UBE3B: variants seen among roughly 807,000 people sequenced by gnomAD.
UBE3B encodes the protein ubiquitin-protein ligase E3B.
A neutral mutation model predicts 132.3 loss-of-function variants in UBE3B; 80 were observed. The observed-to-expected ratio is 0.60, with a 90% CI of 0.50 to 0.73. The LOEUF (loss-of-function observed/expected upper bound fraction) is 0.73. Among genes scored for constraint, UBE3B ranks in the 30% least tolerant of loss-of-function variants. The pLI, the probability that UBE3B is intolerant of heterozygous loss-of-function variation, is 0.00. For missense variants in UBE3B, 1,196 were observed against 1,362.5 expected, an observed-to-expected ratio of 0.88 and a Z score of 1.92; for synonymous variants, 487 against 520.4, an observed-to-expected ratio of 0.94 and a Z score of 0.87.
At position 109,533,548 on chromosome 12, in the gene UBE3B, C is replaced by T. The variant is rs754032570; in HGVS notation, c.3005C>T (p.Ser1002Leu). Reference protein sequence around the residue: ...PPFSIRCVEVSDDQDTGDTLG... With the variant: ...PPFSIRCVEVLDDQDTGDTLG... ...TTCTCCATCCGCTGCGTGGAGGTGT[C>T]GGACGATCAGGTACCCCCACGGGGT... The change falls in exon 27 of 28, where the codon TCG becomes TTG. Residue 1002 changes from serine to leucine, a missense_variant. Transcript: ENST00000342494. The T allele has an allele frequency of 2.4e-5, 38 of 1,613,336 alleles. No homozygotes were observed. The highest frequency in any genetic ancestry group is 3.0e-5 in the Non-Finnish European group (35 of 1,179,888).
intron 5 of UBE3B, 65 bp from the exon 6 acceptor site, chr12:109,486,406 A>T: frequency 7.5e-7 from 1 of 1,336,800 alleles, no homozygotes; most frequent in Non-Finnish European, 1.1e-6. Context: ...CAGTTCCAAC[A>T]GTTAGAGCAC....
chr12:109,530,032 A>C lies in UBE3B; in HGVS notation c.2770A>C (p.Ile924Leu). Residue 924 changes from isoleucine to leucine, a missense_variant, in exon 25 of 28, where the codon ATC becomes CTC. Transcript: ENST00000342494. ...MFSTPELQRL[I>L]SGDNAEIDLE... ...CTCAACTCCTGAACTGCAGCGTCTC[A>C]TCTCTGGCGACAATGCTGAGATTGA... The C allele has an allele frequency of 1.2e-6, 2 of 1,613,746 alleles. No individual in the cohort carries two copies. The highest frequency in any genetic ancestry group is 1.7e-6 in the Non-Finnish European group (2 of 1,179,978).
chr12:109,541,060 C>T (rs766738175), downstream of UBE3B, among the ~76,000 whole-genome samples: 31 of 152,264 alleles, frequency 2.0e-4, no homozygotes, highest in Admixed American at 7.2e-4. Flanking sequence ...TGCAGCTATG[C>T]AGCCTTGCGC....
chr12:109,501,619 T>C, intron 13 of UBE3B, 85 bp downstream of exon 13: 5 of 1,480,152 alleles, frequency 3.4e-6, no homozygotes, highest in Non-Finnish European at 4.5e-6. Flanking sequence ...TGTTCCGCTG[T>C]GTTTGTGGGA....
At position 109,490,761 on chromosome 12, in the gene UBE3B, A is replaced by G. The variant is rs1057162495; in HGVS notation, c.631-284A>G. Reference sequence around the variant, plus strand: ...AGTGGTAGAGTTAACCTCGTTACCCAATACTTTCTTCCCTTTCCTTTTATA... The same window carrying G: ...AGTGGTAGAGTTAACCTCGTTACCCGATACTTTCTTCCCTTTCCTTTTATA... On this transcript the variant is annotated intron_variant, in intron 8 of 27. Coordinates refer to ENST00000342494, the MANE Select transcript of UBE3B (RefSeq NM_130466.4). 9.4e-6 allele frequency: 13 copies of G among 1,385,736 alleles called. No homozygotes were observed. The East Asian group carries it at 1.0e-4, about 11-fold the overall frequency. 85.8% of individuals were successfully genotyped at this position (1,385,736 alleles called of 1,614,324 possible).
chr12:109,503,035 G>T lies in UBE3B; in HGVS notation c.1295G>T (p.Arg432Leu). Residue 432 changes from arginine to leucine, a missense_variant, in exon 14 of 28, where the codon CGT becomes CTT. Transcript: ENST00000342494. ...NVLPVKSLLK[R>L]AFQKSASVRN... ...TTCTCCATGCCAGGTCTCCTAAAGC[G>T]TGCTTTTCAAAAGTCGGCATCAGTC... 1 of 1,614,078 alleles carries T rather than the reference G, an allele frequency of 6.2e-7. No homozygotes were observed.
chr12:109,518,389 G>A (rs1881316662), intron 19 of UBE3B, among the ~76,000 whole-genome samples: 1 of 152,194 alleles, frequency 6.6e-6, no homozygotes, highest in Non-Finnish European at 1.5e-5. Flanking sequence ...CTTCCATGTT[G>A]TGAACTAATT....
chr12:109,523,805 T>C (rs1259973193), intron 21 of UBE3B, among the ~76,000 whole-genome samples, 173 bp from the exon 22 acceptor site: 1 of 152,188 alleles, frequency 6.6e-6, no homozygotes, highest in Non-Finnish European at 1.5e-5. Flanking sequence ...CAGGAGGCAC[T>C]CAGTTGTATT....
intron 19 of UBE3B, chr12:109,520,329 G>A (rs1358603059): frequency 6.6e-6 from 1 of 152,218 alleles, no homozygotes; most frequent in Non-Finnish European, 1.5e-5. Flanking sequence ...AGCCAGGAAG[G>A]CCTCAACAGA....
In UBE3B at chr12:109,534,262, T is replaced by C; in HGVS notation, c.3016-329T>C. On this transcript the variant is annotated intron_variant, in intron 27 of 27. Coordinates refer to ENST00000342494, the MANE Select transcript of UBE3B (RefSeq NM_130466.4). This position sits in a 1 kb window ranked among gnomAD's most constrained non-coding sequence, Gnocchi z 5.2. ...GGAGGGAGGAGTGCATTCAGAAATG[T>C]TTGGGCACCTAACAGTTTTTACAGC... is the stretch of plus-strand genomic sequence containing the variant. 7.7e-7 allele frequency: 1 copy of C among 1,304,592 alleles called. No homozygotes were observed. The highest frequency in any genetic ancestry group is 9.8e-7 in the Non-Finnish European group (1 of 1,017,092). 80.8% of individuals were successfully genotyped at this position (1,304,592 alleles called of 1,614,324 possible).
chr12:109,516,680 C>A, intron 18 of UBE3B, 85 bp from the exon 19 acceptor site: 1 of 1,562,986 alleles, frequency 6.4e-7, no homozygotes, highest in Non-Finnish European at 8.7e-7. Flanking sequence ...CATCTAACTT[C>A]AGTTTCAGTC....
intron 9 of UBE3B, among the ~76,000 whole-genome samples, chr12:109,493,390 A>G (rs1031178393): frequency 1.3e-5 from 2 of 152,204 alleles, no homozygotes. Flanking sequence ...TTACCTGTCC[A>G]GCATCCCTCC....
At chr12:109,509,419 C>T in intron 15 of UBE3B, 177 bp from the exon 16 acceptor site, 1 of 501,492 alleles carries the variant, frequency 2.0e-6, no homozygotes, top group Admixed American at 3.9e-5. Context: ...CTCTCCCTCC[C>T]CTTTCCCCCT....
chr12:109,499,672 TAGA>T lies in UBE3B; in HGVS notation c.981_983del (p.Glu330del), dbSNP rs1251884077. 6.2e-7 allele frequency: 1 copy of T among 1,611,602 alleles called. No homozygotes were observed. The highest frequency in any genetic ancestry group is 1.3e-5 in the African/African-American group (1 of 74,708). On this transcript the variant is annotated inframe_deletion, in exon 12 of 28. Transcript: ENST00000342494. ...TTGGGCTCCCTCAGCCCCAGAGTGT[TAGA>T]GGAGGAGACAGATGGGTTCGTGAGT...
chr12:109,534,537 C>T lies in UBE3B; in HGVS notation c.3016-54C>T. On this transcript the variant is annotated intron_variant, in intron 27 of 27. Transcript: ENST00000342494. This position sits in a 1 kb window ranked among gnomAD's most constrained non-coding sequence, Gnocchi z 5.2. ...TGGGCTCCCTGGCCTTGGCATCAGCCTGGGCTCCCAAACTAGGCCCTTCCC... is the reference window on the plus strand; with the variant it reads ...TGGGCTCCCTGGCCTTGGCATCAGCTTGGGCTCCCAAACTAGGCCCTTCCC... 6 of 1,552,924 alleles carry T rather than the reference C, an allele frequency of 3.9e-6. No homozygotes were observed. Among genetic ancestry groups the T allele is most frequent in the Non-Finnish European group, 5.2e-6 (6 of 1,149,772 alleles).
At chr12:109,490,049 A>G (rs575309508) in intron 8 of UBE3B, 45 bp downstream of exon 8, 12 of 1,566,514 alleles carry the variant, frequency 7.7e-6, no homozygotes, top group East Asian at 2.2e-5. Context: ...CCACTCTCCA[A>G]CACCTGCACT....
At chr12:109,541,684 TCTC>T (rs531018228), downstream of UBE3B, among the ~76,000 whole-genome samples, 7 of 152,046 alleles carry the variant, frequency 4.6e-5, no homozygotes, top group Non-Finnish European at 1.0e-4. Flanking sequence ...GGAAATGTAT[TCTC>T]CTCGGACAGT....
intron 18 of UBE3B, among the ~76,000 whole-genome samples, chr12:109,513,624 A>G (rs1402801907): frequency 6.6e-6 from 1 of 152,212 alleles, no homozygotes; most frequent in Non-Finnish European, 1.5e-5. Flanking sequence ...GTGAATAAGA[A>G]AGTCAGGGAA....
At chr12:109,524,906 G>T (rs563956547) in intron 23 of UBE3B, among the ~76,000 whole-genome samples, 1 of 151,990 alleles carries the variant, frequency 6.6e-6, no homozygotes, top group East Asian at 1.9e-4. Flanking sequence ...ACAGAGCAGA[G>T]CAGGGAGCAG....
Sources: allele counts gnomAD v4.1 joint callset (sites outside exome capture counted in the v4.1 genomes callset), GRCh38; gene constraint gnomAD v4.1.1; non-coding constraint Gnocchi (gnomAD v3.1); transcripts MANE v1.5; gene names NCBI Gene and HGNC (gene_info 2026-07-23, HGNC 2026-07-21).